The following PRUNE2 variants were observed in gnomAD, a reference collection of about 807,000 sequenced individuals.
PRUNE2 encodes the protein prune homolog 2 with BCH domain.
A neutral mutation model predicts 252.0 loss-of-function variants in PRUNE2; 164 were observed. The ratio of observed to expected loss-of-function variants is 0.65; its 90% confidence interval spans 0.57 to 0.74. The LOEUF (loss-of-function observed/expected upper bound fraction) is 0.74, where lower values mean the gene tolerates loss of function less well. PRUNE2 is among the 30% of genes least tolerant of loss of function. PRUNE2 has a pLI of 0.00. For missense variants in PRUNE2, 3,495 were observed against 3,711.0 expected, an observed-to-expected ratio of 0.94 and a Z score of 1.51; for synonymous variants, 1,292 against 1,350.2, an observed-to-expected ratio of 0.96 and a Z score of 0.94.
chr9:76,665,428 C>T (rs577472747), intron 9 of PRUNE2, among the ~76,000 whole-genome samples: 5 of 152,216 alleles, frequency 3.3e-5, no homozygotes, highest in African/African-American at 1.2e-4. Flanking sequence ...GACCTGGGAC[C>T]TCACCTCCTC....
At chr9:76,745,556 C>T (rs947285653) in intron 6 of PRUNE2, among the ~76,000 whole-genome samples, 6 of 151,668 alleles carry the variant, frequency 4.0e-5, no homozygotes, top group African/African-American at 1.5e-4. Flanking sequence ...TCCCACACCT[C>T]TATGATTGCA....
intron 6 of PRUNE2, among the ~76,000 whole-genome samples, chr9:76,728,530 A>G (rs1195679784): frequency 1.3e-5 from 2 of 152,236 alleles, no homozygotes; most frequent in African/African-American, 4.8e-5. Flanking sequence ...TGTATTGTCT[A>G]CACATAGTTT....
intron 6 of PRUNE2, among the ~76,000 whole-genome samples, chr9:76,806,060 T>C (rs17723039): frequency 0.043 from 6,619 of 152,196 alleles, 226 homozygotes; most frequent in Non-Finnish European, 0.063. Flanking sequence ...CATCCAAAAG[T>C]TGAAACCTGA....
At chr9:76,867,037 G>C (rs1334193799) in intron 1 of PRUNE2, among the ~76,000 whole-genome samples, 1 of 152,174 alleles carries the variant, frequency 6.6e-6, no homozygotes, top group South Asian at 2.1e-4. Flanking sequence ...TGCTGAAAGA[G>C]TGAATCAAAG....
chr9:76,844,305 T>A (rs528469061), intron 4 of PRUNE2, among the ~76,000 whole-genome samples: 1 of 152,210 alleles, frequency 6.6e-6, no homozygotes, highest in South Asian at 2.1e-4. Context: ...CTCCCTGTAG[T>A]AATGAGTTCA....
chr9:76,765,536 G>T (rs1589094573), intron 6 of PRUNE2, among the ~76,000 whole-genome samples: 2 of 152,136 alleles, frequency 1.3e-5, no homozygotes, highest in East Asian at 3.9e-4. Context: ...CTAGCAATTA[G>T]CACACTGTCT....
At chr9:76,876,744 T>C (rs951921643) in intron 1 of PRUNE2, among the ~76,000 whole-genome samples, 2 of 152,184 alleles carry the variant, frequency 1.3e-5, no homozygotes, top group African/African-American at 4.8e-5. Context: ...AGTTTTAAAA[T>C]AACCATTGGA....
At chr9:76,793,571 C>G (rs1014156380) in intron 6 of PRUNE2, among the ~76,000 whole-genome samples, 2 of 152,100 alleles carry the variant, frequency 1.3e-5, no homozygotes, top group African/African-American at 4.8e-5. Context: ...CCACCAGGTT[C>G]CATTCAAACC....
rs762110982 is a variant in PRUNE2, at chr9:76,644,606, A to G, written c.8728+133T>C. 8 of 808,692 alleles carry G rather than the reference A, an allele frequency of 9.9e-6. No individual in the cohort carries two copies. The African/African-American group carries it at 1.2e-4, about 12-fold the overall frequency. 50.1% of individuals were successfully genotyped at this position (808,692 alleles called of 1,614,324 possible). ...TATGAGGAAATATACTTAGCTCTATAGTTCCCTGAATATTGGCTCTAGAAT... is the reference window on the plus strand; with the variant it reads ...TATGAGGAAATATACTTAGCTCTATGGTTCCCTGAATATTGGCTCTAGAAT... On this transcript the variant is annotated intron_variant, in intron 12 of 18. Coordinates refer to ENST00000376718, the MANE Select transcript of PRUNE2 (RefSeq NM_015225.3).
chr9:76,876,049 G>C (rs2099437058), intron 1 of PRUNE2, among the ~76,000 whole-genome samples: 1 of 152,146 alleles, frequency 6.6e-6, no homozygotes, highest in Admixed American at 6.5e-5. Context: ...TGGCTCTATG[G>C]CATACTAGTA....
At chr9:76,871,424 G>A (rs901174680) in intron 1 of PRUNE2, among the ~76,000 whole-genome samples, 2 of 152,116 alleles carry the variant, frequency 1.3e-5, no homozygotes, top group African/African-American at 4.8e-5. Flanking sequence ...ACAGATTTTG[G>A]TATCCAGGGA....
At chr9:76,858,660 T>C (rs138911319) in intron 1 of PRUNE2, among the ~76,000 whole-genome samples, 1,928 of 151,108 alleles carry the variant, frequency 0.013, 40 homozygotes, top group African/African-American at 0.04. Context: ...CTAATGTAGA[T>C]GACAGGTTGA....
chr9:76,863,793 G>C (rs1216705098), intron 1 of PRUNE2, among the ~76,000 whole-genome samples: 1 of 152,186 alleles, frequency 6.6e-6, no homozygotes, highest in Admixed American at 6.5e-5. Context: ...TTTGCCTCAT[G>C]TCAAAATGAT....
intron 16 of PRUNE2, among the ~76,000 whole-genome samples, chr9:76,625,564 A>ATGTT (rs1564355528): frequency 1.3e-5 from 2 of 152,362 alleles, no homozygotes; most frequent in East Asian, 3.9e-4. Flanking sequence ...AAAACAATCA[A>ATGTT]TGTTTATAAT....
rs201301442 is a variant in PRUNE2 at position 76,905,927 on chromosome 9, C to G, written c.36+1G>C. The G allele has an allele frequency of 3.7e-6, 6 of 1,614,050 alleles. No individual in the cohort carries two copies. The Admixed American group carries it at 8.3e-5, about 22-fold the overall frequency. On this transcript the variant is annotated splice_donor_variant, in intron 1 of 18. Transcript: ENST00000376718. LOFTEE classifies it high-confidence loss of function. ...CACACAGCTTTGCTCACTCAACTTA[C>G]CAGTTTAGATTTGGCGCGTTGCAAA... is the stretch of plus-strand genomic sequence containing the variant.
chr9:76,710,540 T>C lies in PRUNE2; in HGVS notation c.1734A>G (p.Arg578=). The C allele has an allele frequency of 2.5e-6, 4 of 1,613,980 alleles. No homozygotes were observed. The highest frequency in any genetic ancestry group is 3.4e-6 in the Non-Finnish European group (4 of 1,179,884). Residue 578 remains arginine, a synonymous_variant, in exon 8 of 19, where the codon AGA becomes AGG. Coordinates refer to ENST00000376718, the MANE Select transcript of PRUNE2 (RefSeq NM_015225.3). Reference sequence around the variant, plus strand: ...GGCTCAAATTTCTTTCAGAGTTATCTCTGGGACTGTCTTGTCTCTGGACAA... The same window carrying C: ...GGCTCAAATTTCTTTCAGAGTTATCCCTGGGACTGTCTTGTCTCTGGACAA... The part of the protein sequence containing the change: ...EEFVQRQDSP[R]DNSERNLSLT...
intron 6 of PRUNE2, among the ~76,000 whole-genome samples, chr9:76,721,632 T>G (rs1225471112): frequency 2.6e-5 from 4 of 152,194 alleles, no homozygotes; most frequent in Non-Finnish European, 5.9e-5. Context: ...TGTGTACGGC[T>G]GCATTTTTGG....
intron 6 of PRUNE2, among the ~76,000 whole-genome samples, chr9:76,717,402 G>A (rs1030035683): frequency 6.6e-6 from 1 of 152,136 alleles, no homozygotes; most frequent in African/African-American, 2.4e-5. Context: ...CTCTTATGTT[G>A]CTGACAAGCT....
At chr9:76,840,188 C>T (rs2059303235) in intron 4 of PRUNE2, among the ~76,000 whole-genome samples, 1 of 152,186 alleles carries the variant, frequency 6.6e-6, no homozygotes, top group Admixed American at 6.5e-5. Context: ...GTTTTAGGCA[C>T]CCAACACTTA....
Sources: allele counts gnomAD v4.1 joint callset (sites outside exome capture counted in the v4.1 genomes callset), GRCh38; gene constraint gnomAD v4.1.1; transcripts MANE v1.5; gene names NCBI Gene and HGNC (gene_info 2026-07-23, HGNC 2026-07-21).